UPK1A: variants seen among roughly 807,000 people sequenced by gnomAD.
UPK1A encodes uroplakin 1A.
Under a neutral mutation model 32.3 loss-of-function variants are expected in UPK1A, and 31 were observed. That is an observed-to-expected ratio of 0.96 (90% confidence interval 0.72 to 1.30). The LOEUF is 1.30. Ranked by LOEUF, UPK1A falls within the 50% of genes most tolerant of loss-of-function variation. The pLI is 0.00. For missense variants in UPK1A, 340 were observed against 357.4 expected (o/e 0.95, Z 0.39); for synonymous variants, 135 against 137.1 (o/e 0.98, Z 0.11).
chr19:35,671,216 G>A (rs552737637), intron 3 of UPK1A, among the ~76,000 whole-genome samples: 8 of 151,454 alleles, frequency 5.3e-5, no homozygotes, highest in Admixed American at 2.6e-4. Context: ...GTGAAATCCC[G>A]TCTTTACTAA....
chr19:35,668,034 C>T (rs979114948), intron 2 of UPK1A: 22 of 258,000 alleles, frequency 8.5e-5, no homozygotes, highest in African/African-American at 2.2e-4. Flanking sequence ...GCAATCCTCC[C>T]GCCTCGGCCT....
Position 35,676,013 on chromosome 19 carries a change from C to CACCA in UPK1A, c.644_647dup (p.Lys216AsnfsTer97). 1 of 1,612,834 alleles carries CACCA rather than the reference C, an allele frequency of 6.2e-7. No homozygotes were observed. Among genetic ancestry groups the CACCA allele is most frequent in the Non-Finnish European group, 8.5e-7 (1 of 1,179,488 alleles). On this transcript the variant is annotated frameshift_variant, in exon 6 of 8. Coordinates refer to ENST00000617999, the Ensembl canonical transcript of UPK1A. LOFTEE classifies it high-confidence loss of function. The stretch of plus-strand genomic sequence containing the variant: ...GCCTGGGGCACATGGACTACCTGTT[C>CACCA]ACCAAGGTGTGGCCGTCTGCCCTGC...
chr19:35,669,789 C>T (rs1968057846), intron 3 of UPK1A, among the ~76,000 whole-genome samples: 1 of 152,214 alleles, frequency 6.6e-6, no homozygotes. Flanking sequence ...CAGCCTCTCC[C>T]AGGTGACCAG....
intron 3 of UPK1A, among the ~76,000 whole-genome samples, chr19:35,670,032 G>C (rs1968062253): frequency 6.6e-6 from 1 of 152,218 alleles, no homozygotes; most frequent in African/African-American, 2.4e-5. Context: ...CAGTGAACAG[G>C]AGGGGAGGTC....
At chr19:35,669,622 G>T (rs1194954328) in intron 3 of UPK1A, among the ~76,000 whole-genome samples, 4 of 151,988 alleles carry the variant, frequency 2.6e-5, no homozygotes, top group African/African-American at 7.2e-5. Flanking sequence ...AGTGAGCCAA[G>T]ATCACACCAC....
At chr19:35,666,888 A>G in exon 2 of UPK1A, 2 of 1,613,754 alleles carry the variant, frequency 1.2e-6, no homozygotes, top group Non-Finnish European at 8.5e-7. Flanking sequence ...GGGCAATATC[A>G]TTATTCTGGT....
At chr19:35,668,284 T>G in intron 2 of UPK1A, 170 bp from the exon 3 acceptor site, 1 of 769,460 alleles carries the variant, frequency 1.3e-6, no homozygotes, top group South Asian at 1.7e-5. Flanking sequence ...CTGTCTCTTC[T>G]CTCCTGGCCT....
intron 6 of UPK1A, among the ~76,000 whole-genome samples, chr19:35,676,855 T>C (rs1968189474): frequency 6.6e-6 from 1 of 151,614 alleles, no homozygotes; most frequent in African/African-American, 2.4e-5. Flanking sequence ...GCCGAGATTG[T>C]GCCACTGCAC....
chr19:35,668,325 C>G, intron 2 of UPK1A, 129 bp from the exon 3 acceptor site: 1 of 1,112,528 alleles, frequency 9.0e-7, no homozygotes, highest in Non-Finnish European at 1.3e-6. Context: ...TCATGGAAGG[C>G]GAGGTCTTTG....
chr19:35,677,710 C>T, intron 6 of UPK1A, 102 bp from the exon 7 acceptor site: 1 of 1,428,286 alleles, frequency 7.0e-7, no homozygotes, highest in Non-Finnish European at 9.7e-7. Flanking sequence ...AAAACCAATG[C>T]TCAGGGAAGG....
At chr19:35,671,567 C>T (rs559382594) in intron 3 of UPK1A, among the ~76,000 whole-genome samples, 21 of 146,880 alleles carry the variant, frequency 1.4e-4, no homozygotes, top group African/African-American at 5.3e-4. Context: ...ACGCCATTCT[C>T]CTGCCTCAGC....
At chr19:35,668,364 T>C (rs917583276) in intron 2 of UPK1A, 90 bp from the exon 3 acceptor site, 3 of 1,517,908 alleles carry the variant, frequency 2.0e-6, no homozygotes, top group Non-Finnish European at 1.8e-6. Flanking sequence ...CAGTGGAGGC[T>C]CCAAATGGGG....
chr19:35,674,241 CTTTTTTTTTTTTT>C (rs35857173), intron 5 of UPK1A, among the ~76,000 whole-genome samples: 1 of 98,982 alleles, frequency 1.0e-5, no homozygotes, highest in African/African-American at 4.0e-5. Context: ...TTCTTTTTAT[CTTTTTTTTTTTTT>C]TTTTTTTTTT....
exon 5 of UPK1A, chr19:35,673,468 C>G (rs1023463100): frequency 6.2e-7 from 1 of 1,613,578 alleles, no homozygotes; most frequent in Non-Finnish European, 8.5e-7. Context: ...GATCACCAAG[C>G]AGATGCTGAC....
chr19:35,668,209 T>C, intron 2 of UPK1A: 1 of 573,172 alleles, frequency 1.7e-6, no homozygotes, highest in Admixed American at 3.0e-5. Flanking sequence ...CCTTTCCACG[T>C]GGCATCCCCT....
intron 6 of UPK1A, 145 bp downstream of exon 6, chr19:35,676,164 GT>G: frequency 1.1e-6 from 1 of 913,448 alleles, no homozygotes; most frequent in Non-Finnish European, 1.6e-6. Context: ...TGATTTTCTT[GT>G]TTTCTTTTTC....
intron 6 of UPK1A, 180 bp downstream of exon 6, chr19:35,676,199 T>TTTCTTTCTTTCTTTC (rs1555722284): frequency 1.4e-6 from 1 of 719,304 alleles, no homozygotes; most frequent in Admixed American, 2.9e-5. Flanking sequence ...TTCTTTCTTT[T>TTTCTTTCTTTCTTTC]TTTTTTTTCA....
At chr19:35,669,355 G>A (rs965309809) in intron 3 of UPK1A, among the ~76,000 whole-genome samples, 1 of 152,032 alleles carries the variant, frequency 6.6e-6, no homozygotes, top group Non-Finnish European at 1.5e-5. Context: ...CTGACACTAG[G>A]GTAAGCAGTT....
At chr19:35,674,531 C>T (rs1007304744) in intron 5 of UPK1A, among the ~76,000 whole-genome samples, 3 of 152,022 alleles carry the variant, frequency 2.0e-5, no homozygotes, top group African/African-American at 7.2e-5. Context: ...GCCACCGTGC[C>T]CAGCCTTTCA....
Sources: allele counts gnomAD v4.1 joint callset (sites outside exome capture counted in the v4.1 genomes callset), GRCh38; gene constraint gnomAD v4.1.1; transcripts MANE v1.5; gene names NCBI Gene and HGNC (gene_info 2026-07-23, HGNC 2026-07-21).